The following EPB41L3 variants were observed in gnomAD, a reference collection of about 807,000 sequenced individuals.
EPB41L3 encodes the protein band 4.1-like protein 3.
In EPB41L3, 57 loss-of-function variants were observed where a neutral mutation model predicts 127.1. The ratio of observed to expected loss-of-function variants is 0.45; its 90% CI spans 0.36 to 0.56. The LOEUF (loss-of-function observed/expected upper bound fraction) is 0.56. EPB41L3 is among the 20% of genes least tolerant of loss of function. The pLI is 0.00. For missense variants in EPB41L3, 1,273 were observed against 1,372.2 expected, an observed-to-expected ratio of 0.93 and a Z score of 1.14; for synonymous variants, 572 against 549.5, an observed-to-expected ratio of 1.04 and a Z score of -0.57.
At chr18:5,599,745 T>G (rs956626873) in intron 3 of EPB41L3, among the ~76,000 whole-genome samples, 4 of 152,138 alleles carry the variant, frequency 2.6e-5, no homozygotes, top group African/African-American at 9.7e-5. Context: ...CCCAGAAGCC[T>G]AGCAGAAGCC....
intron 1 of EPB41L3, among the ~76,000 whole-genome samples, chr18:5,500,965 G>C (rs1418740890): frequency 6.6e-6 from 1 of 152,134 alleles, no homozygotes; most frequent in African/African-American, 2.4e-5. Flanking sequence ...GTAAGAACGT[G>C]TGGTGAGAAC....
intron 16 of EPB41L3, among the ~76,000 whole-genome samples, chr18:5,403,038 T>C (rs1356189321): frequency 6.6e-6 from 1 of 152,152 alleles, no homozygotes; most frequent in African/African-American, 2.4e-5. Flanking sequence ...CAGATACTGC[T>C]TTTTTACTGT....
At chr18:5,412,073 G>C (rs1256559880) in intron 13 of EPB41L3, among the ~76,000 whole-genome samples, 2 of 152,168 alleles carry the variant, frequency 1.3e-5, no homozygotes, top group Non-Finnish European at 2.9e-5. Flanking sequence ...GATTAGTATG[G>C]CTGTACCGAG....
At chr18:5,427,061 T>C (rs1434515178) in intron 9 of EPB41L3, among the ~76,000 whole-genome samples, 6 of 152,258 alleles carry the variant, frequency 3.9e-5, no homozygotes, top group East Asian at 3.9e-4. Flanking sequence ...TGGGGTACAG[T>C]GGTGTGATCA....
intron 12 of EPB41L3, among the ~76,000 whole-genome samples, chr18:5,419,248 G>A (rs945370127): frequency 1.3e-5 from 2 of 152,090 alleles, no homozygotes; most frequent in African/African-American, 2.4e-5. Flanking sequence ...TGCTGATTAG[G>A]CGTAAGTATA....
At chr18:5,586,760 A>C (rs1279769433) in intron 3 of EPB41L3, among the ~76,000 whole-genome samples, 1 of 152,086 alleles carries the variant, frequency 6.6e-6, no homozygotes, top group Non-Finnish European at 1.5e-5. Flanking sequence ...CATGTATTGT[A>C]ATTTAAGTTA....
intron 1 of EPB41L3, among the ~76,000 whole-genome samples, chr18:5,525,979 C>G (rs912402995): frequency 2.0e-5 from 3 of 151,976 alleles, no homozygotes; most frequent in African/African-American, 7.2e-5. Context: ...GAGAAATTTG[C>G]CACCTCAGTC....
chr18:5,608,479 T>C (rs2094688578), intron 3 of EPB41L3, among the ~76,000 whole-genome samples: 2 of 151,816 alleles, frequency 1.3e-5, no homozygotes, highest in Admixed American at 6.6e-5. Flanking sequence ...GAGGAGAAAA[T>C]AATTGAGTAA....
intron 3 of EPB41L3, among the ~76,000 whole-genome samples, chr18:5,576,263 A>G (rs2094335782): frequency 6.6e-6 from 1 of 152,212 alleles, no homozygotes; most frequent in African/African-American, 2.4e-5. Flanking sequence ...TCTTACTACA[A>G]GTTACTTTTC....
At chr18:5,438,648 T>C (rs1362816359) in intron 5 of EPB41L3, among the ~76,000 whole-genome samples, 1 of 152,242 alleles carries the variant, frequency 6.6e-6, no homozygotes. Flanking sequence ...GGCTGCTCTG[T>C]GGGCTGTTGA....
intron 13 of EPB41L3, among the ~76,000 whole-genome samples, chr18:5,413,116 A>T (rs2144551135): frequency 6.6e-6 from 1 of 152,298 alleles, no homozygotes; most frequent in East Asian, 1.9e-4. Context: ...AATATATAAC[A>T]TATCATAAAC....
intron 3 of EPB41L3, among the ~76,000 whole-genome samples, chr18:5,562,779 C>G (rs943288988): frequency 6.6e-6 from 1 of 152,178 alleles, no homozygotes; most frequent in African/African-American, 2.4e-5. Context: ...CTCATCCCCC[C>G]ACACTGCTGC....
chr18:5,544,952 A>T (rs555646732), upstream of EPB41L3, among the ~76,000 whole-genome samples: 21 of 152,212 alleles, frequency 1.4e-4, no homozygotes, highest in South Asian at 6.2e-4. Flanking sequence ...AAAATATTAA[A>T]TTTTTTTAAT....
chr18:5,483,318 G>C (rs1007722391), intron 2 of EPB41L3, among the ~76,000 whole-genome samples: 1 of 151,936 alleles, frequency 6.6e-6, no homozygotes, highest in Admixed American at 6.6e-5. Context: ...AAGCCTCATA[G>C]TAACCACAAC....
chr18:5,460,462 T>C (rs1328580475), intron 3 of EPB41L3, among the ~76,000 whole-genome samples: 1 of 152,220 alleles, frequency 6.6e-6, no homozygotes, highest in Non-Finnish European at 1.5e-5. Context: ...GATATATATA[T>C]ACACATAGAT....
At chr18:5,430,210 CCTCT>C (rs1161389440) in intron 8 of EPB41L3, among the ~76,000 whole-genome samples, 2 of 152,178 alleles carry the variant, frequency 1.3e-5, no homozygotes, top group African/African-American at 4.8e-5. Flanking sequence ...CCAAAACACA[CCTCT>C]CTGTGTCCCC....
chr18:5,469,019 T>A (rs983935780), intron 3 of EPB41L3, among the ~76,000 whole-genome samples: 1 of 152,200 alleles, frequency 6.6e-6, no homozygotes, highest in Admixed American at 6.5e-5. Flanking sequence ...AGCTGTACTG[T>A]CACTCAATAA....
At chr18:5,468,175 C>CTAAGGG (rs2085359552) in intron 3 of EPB41L3, among the ~76,000 whole-genome samples, 1 of 152,172 alleles carries the variant, frequency 6.6e-6, no homozygotes, top group African/African-American at 2.4e-5. Context: ...GGGAAGGAGG[C>CTAAGGG]TAAGGGGGAC....
At chr18:5,527,024 AAAC>A (rs2093246821) in intron 1 of EPB41L3, among the ~76,000 whole-genome samples, 1 of 151,904 alleles carries the variant, frequency 6.6e-6, no homozygotes. Context: ...AAAAAAAAAA[AAAC>A]TGTTTACCTT....
Sources: gnomAD v4.1 joint callset for allele counts (sites outside exome capture counted in the v4.1 genomes callset) on GRCh38, gnomAD v4.1.1 for gene constraint, MANE v1.5 for transcripts, NCBI Gene and HGNC (gene_info 2026-07-23, HGNC 2026-07-21) for gene names.